The following FSIP2 variants were observed in gnomAD, a reference collection of about 807,000 sequenced individuals.
FSIP2 encodes the protein fibrous sheath-interacting protein 2.
A neutral mutation model predicts 510.5 loss-of-function variants in FSIP2; 367 were observed. The observed-to-expected ratio is 0.72, with a 90% CI of 0.66 to 0.78. FSIP2 has a LOEUF of 0.78. Among genes scored for constraint, FSIP2 ranks in the 30% least tolerant of loss-of-function variants. FSIP2 has a pLI of 0.00. For synonymous variants in FSIP2, 2,601 were observed against 2,732.2 expected (o/e 0.95, Z 1.50); for missense variants, 7,594 against 7,901.7 (o/e 0.96, Z 1.48).
At chr2:185,831,785 C>CA in intron 21 of FSIP2, 28 bp from the exon 22 acceptor site, 1 of 1,489,866 alleles carries the variant, frequency 6.7e-7, no homozygotes, top group Non-Finnish European at 9.4e-7. Flanking sequence ...GTGAAAGACT[C>CA]AGTTTGTATT....
Position 185,790,947 on chromosome 2 carries a change from C to G in FSIP2, c.3811C>G (p.Leu1271Val). Residue 1271 changes from leucine (L) to valine (V), a missense_variant, in exon 16 of 23, where the codon CTG (leucine) becomes GTG (valine). By Grantham distance (32) the Leu-to-Val change is conservative. Coordinates refer to ENST00000424728, the MANE Select transcript of FSIP2 (RefSeq NM_173651.4). ...DKIIRTIFKR[L>V]KSFICPKLHM... ...GATCATTCGTACAATTTTTAAAAGA[C>G]TGAAGTCATTTATTTGTCCAAAATT... is the stretch of plus-strand genomic sequence containing the variant. 1 of 1,524,974 alleles carries G rather than the reference C, an allele frequency of 6.6e-7. No individual in the cohort carries two copies. Among genetic ancestry groups the G allele is most frequent in the Non-Finnish European group, 8.8e-7 (1 of 1,142,836 alleles). The allele number at this position is 1,524,974 out of a possible 1,614,324, so 94.5% of individuals were successfully genotyped here. A position where few individuals can be genotyped will look rare whatever the true frequency, so the allele number is the denominator to read the frequency against.
At position 185,801,587 on chromosome 2, in the gene FSIP2, C is replaced by G; in HGVS notation, c.12281C>G (p.Ser4094Cys). 6.5e-7 allele frequency: 1 copy of G among 1,534,020 alleles called. No homozygotes were observed. The highest frequency in any genetic ancestry group is 8.7e-7 in the Non-Finnish European group (1 of 1,145,546). The change falls in exon 17 of 23, where the codon TCT becomes TGT. Residue 4094 changes from serine (S) to cysteine (C), a missense_variant. Transcript: ENST00000424728. ...GAGATTTTAGACTACAAACTGCCAT[C>G]TTGCTTCAAGGAACATCTCATACCC... ...LLEILDYKLPSCFKEHLIPHS... is the reference protein window; with the variant it reads ...LLEILDYKLPCCFKEHLIPHS...
intron 7 of FSIP2, among the ~76,000 whole-genome samples, chr2:185,749,930 T>C (rs1000991618): frequency 6.6e-6 from 1 of 151,842 alleles, no homozygotes; most frequent in African/African-American, 2.4e-5. Flanking sequence ...CATATGTAGG[T>C]TTTCCTTTGT....
Position 185,801,451 on chromosome 2 carries a change from T to C in FSIP2, c.12145T>C (p.Ser4049Pro). 1 of 1,533,964 alleles carries C rather than the reference T, an allele frequency of 6.5e-7. No individual in the cohort carries two copies. Among genetic ancestry groups the C allele is most frequent in the Non-Finnish European group, 8.7e-7 (1 of 1,145,496 alleles). The change falls in exon 17 of 23, where the codon TCA becomes CCA. Residue 4049 changes from serine (S) to proline (P), a missense_variant. Ser to Pro is a moderately conservative substitution (Grantham distance 74). Transcript: ENST00000424728. ...AGAAACTGTTAGCAAAATTGTTGAC[T>C]CAGTTTATTATGATGTTTTACAGCA... ...HTETVSKIVDSVYYDVLQQYE... is the reference protein window; with the variant it reads ...HTETVSKIVDPVYYDVLQQYE...
At chr2:185,744,036 C>T (rs1307886934) in intron 3 of FSIP2, among the ~76,000 whole-genome samples, 1 of 151,672 alleles carries the variant, frequency 6.6e-6, no homozygotes, top group Non-Finnish European at 1.5e-5. Flanking sequence ...TGCTATGTTG[C>T]CCAGGCTCAT....
At position 185,795,406 on chromosome 2, in the gene FSIP2, T is replaced by C; in HGVS notation, c.8270T>C (p.Val2757Ala). 6.5e-7 allele frequency: 1 copy of C among 1,534,856 alleles called. No homozygotes were observed. The highest frequency in any genetic ancestry group is 8.7e-7 in the Non-Finnish European group (1 of 1,146,142). The change falls in exon 16 of 23, where the codon GTA becomes GCA. Residue 2757 changes from valine (V) to alanine (A), a missense_variant. Val to Ala is a moderately conservative substitution (Grantham distance 64). Coordinates refer to ENST00000424728, the MANE Select transcript of FSIP2 (RefSeq NM_173651.4). ...ACAATTGTGAAGGAATTTGGAAAGG[T>C]AAAGCAAACCAAAGCTTTACCATCT... ...LETIVKEFGKVKQTKALPSDQ... is the reference protein window; with the variant it reads ...LETIVKEFGKAKQTKALPSDQ...
chr2:185,821,571 T>C (rs542146680), intron 19 of FSIP2, among the ~76,000 whole-genome samples: 4 of 151,842 alleles, frequency 2.6e-5, no homozygotes, highest in Non-Finnish European at 5.9e-5. Flanking sequence ...TTAAAAGGTT[T>C]ATAGATCATG....
Position 185,790,000 on chromosome 2 carries a change from A to C in FSIP2, c.2864A>C (p.Gln955Pro). The C allele has an allele frequency of 6.5e-7, 1 of 1,534,164 alleles. No individual in the cohort carries two copies. The highest frequency in any genetic ancestry group is 8.7e-7 in the Non-Finnish European group (1 of 1,145,630). ...LHQEPVNESF[Q>P]KSRQPRISSP... Reference sequence around the variant, plus strand: ...CAGGAACCAGTAAATGAAAGTTTTCAAAAAAGTAGGCAACCTAGAATAAGT... The same window carrying C: ...CAGGAACCAGTAAATGAAAGTTTTCCAAAAAGTAGGCAACCTAGAATAAGT... Residue 955 changes from glutamine (Q) to proline (P), a missense_variant, in exon 16 of 23, where the codon CAA (glutamine) becomes CCA (proline). Gln to Pro is a moderately conservative substitution (Grantham distance 76, BLOSUM62 -1). Transcript: ENST00000424728.
Position 185,794,410 on chromosome 2 carries a change from C to A in FSIP2, c.7274C>A (p.Ser2425Ter). Residue 2425 changes from serine to a stop codon, truncating the protein, a stop_gained, in exon 16 of 23, where the codon TCA (serine) becomes TAA (stop). Coordinates refer to ENST00000424728, the MANE Select transcript of FSIP2 (RefSeq NM_173651.4). LOFTEE classifies it high-confidence loss of function. Reference sequence around the variant, plus strand: ...TCTAACTTTTCACAATTAGCTTTATCAAATGAAATATTGCTGGGTCACAAA... The same window carrying A: ...TCTAACTTTTCACAATTAGCTTTATAAAATGAAATATTGCTGGGTCACAAA... ...ENSNFSQLALSNEILLGHKEK... is the reference protein window; with the variant it reads ...ENSNFSQLAL The A allele has an allele frequency of 6.6e-7, 1 of 1,517,018 alleles. No individual in the cohort carries two copies. Among genetic ancestry groups the A allele is most frequent in the South Asian group, 1.3e-5 (1 of 79,984 alleles). The allele number at this position is 1,517,018 out of a possible 1,614,324, so 94.0% of individuals were successfully genotyped here. A position where few individuals can be genotyped will look rare whatever the true frequency, so the allele number is the denominator to read the frequency against.
chr2:185,827,223 C>T (rs1374467284), intron 20 of FSIP2, among the ~76,000 whole-genome samples: 1 of 151,818 alleles, frequency 6.6e-6, no homozygotes, highest in Non-Finnish European at 1.5e-5. Flanking sequence ...TTACTTTAAT[C>T]ACTTCTCATA....
intron 2 of FSIP2, chr2:185,740,500 C>G (rs939989154): frequency 1.3e-5 from 2 of 152,084 alleles, no homozygotes; most frequent in Non-Finnish European, 2.9e-5. Context: ...TCTAAGTGGC[C>G]CACTTACCCT....
Position 185,796,875 on chromosome 2 carries a change from A to C in FSIP2, c.9739A>C (p.Arg3247=). 1 of 1,535,104 alleles carries C rather than the reference A, an allele frequency of 6.5e-7. No individual in the cohort carries two copies. The highest frequency in any genetic ancestry group is 8.7e-7 in the Non-Finnish European group (1 of 1,146,262). The change falls in exon 16 of 23, where the codon AGG becomes CGG. Residue 3247 remains arginine, a synonymous_variant. Transcript: ENST00000424728. Reference sequence around the variant, plus strand: ...AAACAAAGTACAAGACCACAGACCAAGGGAATCTAACTTTGGTAGTTTTGA... The same window carrying C: ...AAACAAAGTACAAGACCACAGACCACGGGAATCTAACTTTGGTAGTTTTGA... The part of the protein sequence containing the change: ...TRNKVQDHRP[R]ESNFGSFDQT...
At position 185,739,342 on chromosome 2, in the gene FSIP2, A is replaced by G; in HGVS notation, c.100-4A>G. 1 of 1,525,892 alleles carries G rather than the reference A, an allele frequency of 6.6e-7. No homozygotes were observed. Among genetic ancestry groups the G allele is most frequent in the Non-Finnish European group, 8.7e-7 (1 of 1,143,168 alleles). 94.5% of individuals were successfully genotyped at this position (1,525,892 alleles called of 1,614,324 possible). A position where few individuals can be genotyped will look rare whatever the true frequency, so the allele number is the denominator to read the frequency against. ...AGACAAAACTCTCCAATTGTGTCTG[A>G]CAGGGCGTGCACAAAACCCACTTTG... On this transcript the variant is annotated splice_region_variant and splice_polypyrimidine_tract_variant and intron_variant, in intron 1 of 22. Coordinates refer to ENST00000424728, the MANE Select transcript of FSIP2 (RefSeq NM_173651.4).
At chr2:185,819,834 C>T (rs976653831) in intron 19 of FSIP2, among the ~76,000 whole-genome samples, 15 of 104,320 alleles carry the variant, frequency 1.4e-4, no homozygotes, top group African/African-American at 5.4e-4. Flanking sequence ...AATGCATTTT[C>T]AATGTATGAT....
At chr2:185,830,737 G>A (rs907861112) in intron 21 of FSIP2, among the ~76,000 whole-genome samples, 1 of 151,446 alleles carries the variant, frequency 6.6e-6, no homozygotes, top group Non-Finnish European at 1.5e-5. Flanking sequence ...TTAAACTTAT[G>A]GATACACAAC....
chr2:185,775,599 G>C (rs895642604), intron 13 of FSIP2, among the ~76,000 whole-genome samples: 4 of 151,998 alleles, frequency 2.6e-5, no homozygotes, highest in African/African-American at 9.7e-5. Flanking sequence ...CAGAATTAAG[G>C]ATAGAACACT....
In FSIP2 at chr2:185,806,598, A is replaced by T; in HGVS notation, c.17292A>T (p.Glu5764Asp). 6.2e-7 allele frequency: 1 copy of T among 1,608,012 alleles called. No individual in the cohort carries two copies. The highest frequency in any genetic ancestry group is 8.5e-7 in the Non-Finnish European group (1 of 1,177,880). ...KEKVREEIKS[E>D]PSKPDDPQNQ... The stretch of plus-strand genomic sequence containing the variant: ...AAGTAAGAGAGGAGATTAAAAGTGA[A>T]CCCAGTAAACCAGATGATCCTCAAA... The change falls in exon 17 of 23, where the codon GAA (glutamate) becomes GAT (aspartate). Residue 5764 changes from glutamate (E) to aspartate (D), a missense_variant. Coordinates refer to ENST00000424728, the MANE Select transcript of FSIP2 (RefSeq NM_173651.4).
chr2:185,776,969 C>G (rs1692738055), intron 13 of FSIP2, among the ~76,000 whole-genome samples: 1 of 152,116 alleles, frequency 6.6e-6, no homozygotes, highest in Admixed American at 6.5e-5. Context: ...GGTGATCTGC[C>G]CACCTCAGCC....
At position 185,806,429 on chromosome 2, in the gene FSIP2, G is replaced by A; in HGVS notation, c.17123G>A (p.Ser5708Asn). 6.2e-7 allele frequency: 1 copy of A among 1,611,992 alleles called. No homozygotes were observed. Among genetic ancestry groups the A allele is most frequent in the Non-Finnish European group, 8.5e-7 (1 of 1,178,656 alleles). ...AYYSKLSYDQ[S>N]PPGDNVLNVI... ...TATTCGAAACTCAGTTATGACCAAA[G>A]CCCCCCAGGTGATAATGTATTAAAT... Residue 5708 changes from serine to asparagine, a missense_variant, in exon 17 of 23, where the codon AGC (serine) becomes AAC (asparagine). Ser to Asn is a conservative substitution (Grantham distance 46, BLOSUM62 1). Coordinates refer to ENST00000424728, the MANE Select transcript of FSIP2 (RefSeq NM_173651.4).
Sources: allele counts gnomAD v4.1 joint callset (sites outside exome capture counted in the v4.1 genomes callset), GRCh38; gene constraint gnomAD v4.1.1; transcripts MANE v1.5; gene names NCBI Gene and HGNC (gene_info 2026-07-23, HGNC 2026-07-21).